Variants in CCDC150 observed in about 807,000 individuals in gnomAD.
CCDC150 encodes the protein coiled-coil domain containing 150, also known as coiled-coil domain-containing protein 150.
CCDC150 carries 151 observed loss-of-function variants against 156.5 expected under a neutral mutation model. The ratio of observed to expected loss-of-function variants is 0.97; its 90% CI spans 0.85 to 1.10. The LOEUF is 1.10. Ranked by LOEUF, CCDC150 falls within the 50% of genes least tolerant of loss-of-function variation. The pLI, the probability that CCDC150 is intolerant of heterozygous loss-of-function variation, is 0.00. For synonymous variants in CCDC150, 452 were observed against 429.4 expected, an observed-to-expected ratio of 1.05 and a Z score of -0.65; for missense variants, 1,312 against 1,268.1, an observed-to-expected ratio of 1.03 and a Z score of -0.53.
At chr2:196,647,891 A>G (rs751237543) in intron 2 of CCDC150, among the ~76,000 whole-genome samples, 15 of 152,084 alleles carry the variant, frequency 9.9e-5, no homozygotes, top group Non-Finnish European at 2.1e-4. Context: ...CTGACGAACA[A>G]TCTCTTCTTT....
rs575913123 is a variant in CCDC150 at position 196,655,248 on chromosome 2, T to C, written c.177-1385T>C. On this transcript the variant is annotated intron_variant, in intron 2 of 27. Coordinates refer to ENST00000389175, the MANE Select transcript of CCDC150 (RefSeq NM_001080539.2). Reference sequence around the variant, plus strand: ...CTACATCCTCTGAGGGTATGGCCACTGGGAGTGGGCCCGTTTTATATCTAC... The same window carrying C: ...CTACATCCTCTGAGGGTATGGCCACCGGGAGTGGGCCCGTTTTATATCTAC... Among the ~76,000 whole-genome samples the C allele has an allele frequency of 4.6e-5, 7 of 152,378 alleles. No individual in the cohort carries two copies. In the East Asian group the frequency reaches 1.2e-3, roughly 25 times the overall value.
At chr2:196,687,266 AGC>A (rs1695176687) in intron 13 of CCDC150, among the ~76,000 whole-genome samples, 1 of 152,168 alleles carries the variant, frequency 6.6e-6, no homozygotes, top group Admixed American at 6.5e-5. Flanking sequence ...CAACCTCACC[AGC>A]ATCTGTTATT....
intron 10 of CCDC150, 127 bp downstream of exon 10, chr2:196,674,475 A>G (rs1176007823): frequency 1.6e-6 from 1 of 626,536 alleles, no homozygotes; most frequent in East Asian, 2.8e-5. Context: ...AATTATCTTA[A>G]TTCTATTAGT....
chr2:196,721,353 C>CATATATATATATATGTATAT (rs1307430176), intron 20 of CCDC150, among the ~76,000 whole-genome samples, 169 bp from the exon 21 acceptor site: 1 of 133,112 alleles, frequency 7.5e-6, no homozygotes, highest in African/African-American at 2.7e-5. Context: ...TATGTGTGTG[C>CATATATATATATATGTATAT]ATATATATAT....
rs776485265 is a variant in CCDC150 at position 196,729,240 on chromosome 2, C to T, written c.2604C>T (p.Ser868=). 2.5e-6 allele frequency: 4 copies of T among 1,613,408 alleles called. No individual in the cohort carries two copies. The highest frequency in any genetic ancestry group is 3.4e-6 in the Non-Finnish European group (4 of 1,179,776). The stretch of plus-strand genomic sequence containing the variant: ...CTAACTTCAGATCAGTGGAAGTGTC[C>T]CGGACCAACCGAGAGCTGCGACAGA... The part of the protein sequence containing the change: ...DEANFRSVEV[S]RTNRELRQKL... The change falls in exon 23 of 28, where the codon TCC becomes TCT. Residue 868 remains serine, a synonymous_variant. Coordinates refer to ENST00000389175, the MANE Select transcript of CCDC150 (RefSeq NM_001080539.2).
intron 1 of CCDC150, among the ~76,000 whole-genome samples, chr2:196,645,946 T>C (rs1347341468): frequency 2.6e-5 from 4 of 152,206 alleles, no homozygotes; most frequent in Non-Finnish European, 5.9e-5. Flanking sequence ...TGACTAATAG[T>C]GGCAAATAGA....
chr2:196,641,609 GTCT>G (rs1692234805), intron 1 of CCDC150, among the ~76,000 whole-genome samples: 2 of 152,134 alleles, frequency 1.3e-5, no homozygotes, highest in African/African-American at 4.8e-5. Context: ...CTTAGTGTCT[GTCT>G]TCTTCAGCTG....
rs773959141 is a variant in CCDC150, at chr2:196,713,473, T to C, written c.1866+734T>C. ...GAACGTCATCAGTTGGTTTGCCTAG[T>C]GTTATTCCAAACTCTACACGCCGTG... is the stretch of plus-strand genomic sequence containing the variant. On this transcript the variant is annotated intron_variant, in intron 17 of 27. Transcript: ENST00000389175. The C allele has an allele frequency of 3.2e-6, 5 of 1,550,734 alleles. No individual in the cohort carries two copies. In the South Asian group the frequency reaches 5.9e-5, roughly 18 times the overall value.
rs1298359773 is a variant in CCDC150, at chr2:196,719,657, A to G, written c.2156A>G (p.Lys719Arg). The G allele has an allele frequency of 1.9e-6, 3 of 1,607,786 alleles. No homozygotes were observed. The highest frequency in any genetic ancestry group is 1.7e-6 in the Non-Finnish European group (2 of 1,177,530). Residue 719 changes from lysine to arginine, a missense_variant, in exon 19 of 28, where the codon AAG becomes AGG. Lys to Arg is a conservative substitution (Grantham distance 26, BLOSUM62 2). Coordinates refer to ENST00000389175, the MANE Select transcript of CCDC150 (RefSeq NM_001080539.2). ...AGGGATTCAGAGATTGCAGGCCTCA[A>G]GAAAGAAAGGTACCTGTGGTTTTTT... is the stretch of plus-strand genomic sequence containing the variant. ...GRRDSEIAGL[K>R]KERDLNQQRV... is the part of the protein sequence containing the mutation.
At chr2:196,716,511 A>G (rs1432410804) in intron 17 of CCDC150, among the ~76,000 whole-genome samples, 3 of 151,906 alleles carry the variant, frequency 2.0e-5, no homozygotes, top group Admixed American at 6.6e-5. Context: ...AGTGCATACA[A>G]TACAATTCCA....
At chr2:196,688,104 A>G (rs1695222298) in intron 13 of CCDC150, among the ~76,000 whole-genome samples, 1 of 152,162 alleles carries the variant, frequency 6.6e-6, no homozygotes, top group African/African-American at 2.4e-5. Context: ...TTGGTTCCAT[A>G]TAAATTTTAA....
rs1388780967 is a variant in CCDC150, at chr2:196,729,880, C to T, written c.2820+19C>T. On this transcript the variant is annotated intron_variant, in intron 24 of 27. Coordinates refer to ENST00000389175, the MANE Select transcript of CCDC150 (RefSeq NM_001080539.2). Reference sequence around the variant, plus strand: ...TGAACAGGTAGATGATTTCCATATACTCTGTGTTTACCTTTCATGCAAAAT... The same window carrying T: ...TGAACAGGTAGATGATTTCCATATATTCTGTGTTTACCTTTCATGCAAAAT... 1 of 1,601,868 alleles carries T rather than the reference C, an allele frequency of 6.2e-7. No homozygotes were observed. Among genetic ancestry groups the T allele is most frequent in the Admixed American group, 1.7e-5 (1 of 58,800 alleles).
intron 2 of CCDC150, among the ~76,000 whole-genome samples, chr2:196,653,097 G>A (rs1450448405): frequency 6.6e-6 from 1 of 152,170 alleles, no homozygotes; most frequent in Non-Finnish European, 1.5e-5. Flanking sequence ...AAATATTTCT[G>A]AAATGCCTTC....
At chr2:196,722,566 G>C (rs1697986199) in intron 21 of CCDC150, among the ~76,000 whole-genome samples, 1 of 152,000 alleles carries the variant, frequency 6.6e-6, no homozygotes, top group African/African-American at 2.4e-5. Context: ...ATGAGCCACT[G>C]TTCTCAGCCT....
chr2:196,689,037 CA>C (rs1394883912), intron 13 of CCDC150, among the ~76,000 whole-genome samples: 2 of 152,082 alleles, frequency 1.3e-5, no homozygotes, highest in Non-Finnish European at 2.9e-5. Flanking sequence ...TCAGGTTTGT[CA>C]AAGATCAGAT....
chr2:196,719,627 G>C lies in CCDC150; in HGVS notation c.2126G>C (p.Gly709Ala), dbSNP rs1697760550. The change falls in exon 19 of 28, where the codon GGG becomes GCG. Residue 709 changes from glycine (G) to alanine (A), a missense_variant. By Grantham distance (60) the Gly-to-Ala change is moderately conservative (BLOSUM62 0). Transcript: ENST00000389175. ...CTGGAGAAAGTACAAATAGAGCTTG[G>C]GCGGAGGGATTCAGAGATTGCAGGC... is the stretch of plus-strand genomic sequence containing the variant. The part of the protein sequence containing the change: ...GALEKVQIEL[G>A]RRDSEIAGLK... 1.2e-6 allele frequency: 2 copies of C among 1,612,484 alleles called. No homozygotes were observed. The highest frequency in any genetic ancestry group is 1.7e-6 in the Non-Finnish European group (2 of 1,179,328).
intron 2 of CCDC150, among the ~76,000 whole-genome samples, chr2:196,649,456 A>G (rs1692745266): frequency 1.3e-5 from 2 of 152,176 alleles, no homozygotes; most frequent in South Asian, 4.1e-4. Context: ...TACAAATACC[A>G]TTGTTTTACA....
At chr2:196,679,943 T>A (rs1468247617) in intron 13 of CCDC150, among the ~76,000 whole-genome samples, 1 of 152,194 alleles carries the variant, frequency 6.6e-6, no homozygotes, top group African/African-American at 2.4e-5. Flanking sequence ...CATTTTAAAT[T>A]CAGTTGTTTT....
chr2:196,707,615 T>G (rs1233331915), intron 15 of CCDC150, among the ~76,000 whole-genome samples: 1 of 152,230 alleles, frequency 6.6e-6, no homozygotes, highest in Non-Finnish European at 1.5e-5. Flanking sequence ...GTGTTGATTT[T>G]AGATCTTTCC....
Sources: allele counts gnomAD v4.1 joint callset (sites outside exome capture counted in the v4.1 genomes callset), GRCh38; gene constraint gnomAD v4.1.1; transcripts MANE v1.5; gene names NCBI Gene and HGNC (gene_info 2026-07-23, HGNC 2026-07-21).